The following NRG3 variants were observed in gnomAD, a reference collection of about 807,000 sequenced individuals.
The protein encoded by NRG3 is pro-neuregulin-3, membrane-bound isoform.
Under a neutral mutation model 66.9 loss-of-function variants are expected in NRG3, and 31 were observed. The observed-to-expected ratio is 0.46, with a 90% CI of 0.35 to 0.63. The LOEUF (loss-of-function observed/expected upper bound fraction) is 0.63. Among genes scored for constraint, NRG3 ranks in the 20% least tolerant of loss-of-function variants. The probability of loss-of-function intolerance (pLI) is 0.00; values close to 1 mark genes in which losing one functional copy is unlikely to be tolerated. For missense variants in NRG3, 910 were observed against 878.9 expected (o/e 1.04, Z -0.45); for synonymous variants, 393 against 359.4 (o/e 1.09, Z -1.06).
intron 1 of NRG3, among the ~76,000 whole-genome samples, chr10:82,036,663 A>C (rs1243054978): frequency 6.6e-6 from 1 of 152,176 alleles, no homozygotes; most frequent in East Asian, 1.9e-4. Context: ...ATAGTACAGC[A>C]TTAACTATAA....
intron 2 of NRG3, among the ~76,000 whole-genome samples, chr10:82,411,222 G>A (rs1162751203): frequency 6.6e-6 from 1 of 152,062 alleles, no homozygotes; most frequent in Admixed American, 6.6e-5. Flanking sequence ...GCCGCTCCTG[G>A]CCCAGTGTTT....
chr10:82,913,111 G>A (rs913565549), intron 4 of NRG3, among the ~76,000 whole-genome samples: 2 of 152,142 alleles, frequency 1.3e-5, no homozygotes, highest in African/African-American at 2.4e-5. Context: ...TGTAGTCCCA[G>A]CTACTCTGGA....
At chr10:82,833,097 G>A (rs1317325238) in intron 3 of NRG3, among the ~76,000 whole-genome samples, 2 of 152,048 alleles carry the variant, frequency 1.3e-5, no homozygotes, top group Non-Finnish European at 2.9e-5. Flanking sequence ...CTATTAGAAA[G>A]GAGGTGCTCT....
At chr10:82,902,660 G>C (rs17760049) in intron 4 of NRG3, among the ~76,000 whole-genome samples, 11,678 of 151,936 alleles carry the variant, frequency 0.077, 576 homozygotes, top group Middle Eastern at 0.17. Context: ...CATCAATTAT[G>C]TATTTAAAAA....
At chr10:82,105,080 T>A (rs918723376) in intron 1 of NRG3, among the ~76,000 whole-genome samples, 1 of 152,136 alleles carries the variant, frequency 6.6e-6, no homozygotes, top group African/African-American at 2.4e-5. Context: ...GAATATACAA[T>A]ATTTTCTGAG....
intron 2 of NRG3, among the ~76,000 whole-genome samples, chr10:82,522,624 G>A (rs956311062): frequency 1.3e-5 from 2 of 151,748 alleles, no homozygotes; most frequent in African/African-American, 4.8e-5. Context: ...TCAATACTTG[G>A]TTGCCACAAA....
rs1031298032 is a variant in NRG3, at chr10:82,950,213, G to C, written c.1055-1256G>C. Among the ~76,000 whole-genome samples the C allele has an allele frequency of 5.9e-5, 9 of 152,316 alleles. No homozygotes were observed. In the South Asian group the frequency reaches 1.9e-3, roughly 32 times the overall value. Reference sequence around the variant, plus strand: ...GTTCTATGTTAATGACACAGAGAGAGAATGTATATAGATGCAATTAATTTT... The same window carrying C: ...GTTCTATGTTAATGACACAGAGAGACAATGTATATAGATGCAATTAATTTT... On this transcript the variant is annotated intron_variant, in intron 4 of 8. Coordinates refer to ENST00000372141, the MANE Select transcript of NRG3 (RefSeq NM_001010848.4).
intron 1 of NRG3, among the ~76,000 whole-genome samples, chr10:82,101,023 A>T (rs1198882568): frequency 6.6e-6 from 1 of 151,998 alleles, no homozygotes; most frequent in African/African-American, 2.4e-5. Context: ...TCTTTAGTAG[A>T]TATAGAACTC....
In NRG3 at chr10:82,408,131, G is replaced by GAAAGAAAGAAAGAAAGAA. The variant is rs1554911302; in HGVS notation, c.953+49278_953+49279insGAAAAAGAAAGAAAGAAA. 5.5e-3 allele frequency among the ~76,000 whole-genome samples: 718 copies of GAAAGAAAGAAAGAAAGAA among 129,686 alleles called. 19 individuals carry two copies. The highest frequency in any genetic ancestry group is 0.017 in the African/African-American group (601 of 34,940). 85.1% of individuals were successfully genotyped at this position (129,686 alleles called of 152,430 possible). On this transcript the variant is annotated intron_variant, in intron 2 of 8. Transcript: ENST00000372141. The stretch of plus-strand genomic sequence containing the variant: ...AGAAAGAAAGAAAGAAAGAAAGAAA[G>GAAAGAAAGAAAGAAAGAA]AAAGAAAGAAAGAAAAGAAAAAGAA...
chr10:82,013,322 T>C (rs1488233337), intron 1 of NRG3, among the ~76,000 whole-genome samples: 2 of 152,138 alleles, frequency 1.3e-5, no homozygotes, highest in African/African-American at 2.4e-5. Context: ...GATTCAATTA[T>C]CTCCACCTCG....
chr10:82,374,884 A>G (rs778452947), intron 2 of NRG3, among the ~76,000 whole-genome samples: 5 of 152,150 alleles, frequency 3.3e-5, no homozygotes, highest in Non-Finnish European at 5.9e-5. Context: ...AGCTTATGGA[A>G]ACGTCTGTTT....
chr10:81,910,710 C>T (rs559502561), intron 1 of NRG3, among the ~76,000 whole-genome samples: 29 of 152,066 alleles, frequency 1.9e-4, no homozygotes, highest in Non-Finnish European at 2.9e-4. Flanking sequence ...TGCAGTGGCG[C>T]GATCATAGCT....
At chr10:82,502,286 G>A (rs1374606505) in intron 2 of NRG3, among the ~76,000 whole-genome samples, 1 of 152,108 alleles carries the variant, frequency 6.6e-6, no homozygotes, top group African/African-American at 2.4e-5. Flanking sequence ...TGGTAGGCTT[G>A]TGTGAACCTG....
intron 2 of NRG3, among the ~76,000 whole-genome samples, chr10:82,586,958 A>T (rs1421534906): frequency 3.3e-5 from 5 of 152,006 alleles, no homozygotes; most frequent in African/African-American, 1.2e-4. Context: ...TCATGTTTTC[A>T]TGTTTTTTAA....
At chr10:82,167,504 T>C (rs534166659) in intron 1 of NRG3, among the ~76,000 whole-genome samples, 2 of 152,220 alleles carry the variant, frequency 1.3e-5, no homozygotes, top group East Asian at 1.9e-4. Context: ...TTTATAATAA[T>C]TGCTGTGTTT....
At chr10:82,791,749 C>T (rs1485234985) in intron 3 of NRG3, among the ~76,000 whole-genome samples, 3 of 152,220 alleles carry the variant, frequency 2.0e-5, no homozygotes, top group Non-Finnish European at 4.4e-5. Context: ...TTTGCCCCAA[C>T]TTGCTTTGCT....
intron 3 of NRG3, among the ~76,000 whole-genome samples, chr10:82,782,546 C>A (rs1051019149): frequency 6.6e-6 from 1 of 152,022 alleles, no homozygotes; most frequent in Non-Finnish European, 1.5e-5. Flanking sequence ...TACTGAGTAG[C>A]GAGACTGTTG....
chr10:82,466,300 T>C (rs1259672888), intron 2 of NRG3, among the ~76,000 whole-genome samples: 1 of 152,108 alleles, frequency 6.6e-6, no homozygotes, highest in Non-Finnish European at 1.5e-5. Context: ...CCACCAGGCT[T>C]TCTTCCCCAA....
At chr10:82,087,882 G>A (rs2065816430) in intron 1 of NRG3, among the ~76,000 whole-genome samples, 1 of 152,070 alleles carries the variant, frequency 6.6e-6, no homozygotes, top group African/African-American at 2.4e-5. Context: ...ATGTTGATTG[G>A]TTCAGAACTA....
Sources: allele counts gnomAD v4.1 joint callset (sites outside exome capture counted in the v4.1 genomes callset), GRCh38; gene constraint gnomAD v4.1.1; transcripts MANE v1.5; gene names NCBI Gene and HGNC (gene_info 2026-07-23, HGNC 2026-07-21).